Variants in P4HA3 observed in about 807,000 individuals in gnomAD.
The protein encoded by P4HA3 is prolyl 4-hydroxylase subunit alpha 3.
P4HA3 carries 60 observed loss-of-function variants against 66.7 expected under a neutral mutation model. That is an observed-to-expected ratio of 0.90 (90% CI 0.73 to 1.12). The LOEUF is 1.12. P4HA3 is among the 50% of genes most tolerant of loss of function. The pLI is 0.00. For missense variants in P4HA3, 683 were observed against 685.8 expected (o/e 1.00, Z 0.05); for synonymous variants, 263 against 274.6 (o/e 0.96, Z 0.42).
chr11:74,290,925 C>G (rs190213017), intron 4 of P4HA3, among the ~76,000 whole-genome samples: 1 of 152,116 alleles, frequency 6.6e-6, no homozygotes, highest in East Asian at 1.9e-4. Flanking sequence ...CTTGGCGATG[C>G]GGGCTCTTTT....
chr11:74,252,700 T>G (rs60041577), intron 15 of P4HA3: 5,558 of 344,200 alleles, frequency 0.016, 252 homozygotes, highest in African/African-American at 0.1. Context: ...CACACACGGT[T>G]TTGACAAACA....
chr11:74,272,217 CAT>C (rs1030008374), intron 10 of P4HA3, among the ~76,000 whole-genome samples: 6 of 64,494 alleles, frequency 9.3e-5, no homozygotes, highest in African/African-American at 4.3e-4. Context: ...CATGCACACA[CAT>C]ACACACACAC....
Position 74,269,578 on chromosome 11 carries a change from C to T in P4HA3, c.1467+74G>A, listed in dbSNP as rs1860116939. ...CCTCCCAGGAATGGGCTTGCAAGCA[C>T]AGACAGCGTGAAGGTTAGAGGGTAA... On this transcript the variant is annotated intron_variant, in intron 11 of 12. Coordinates refer to ENST00000331597, the MANE Select transcript of P4HA3 (RefSeq NM_182904.5). 2.0e-6 allele frequency: 3 copies of T among 1,464,250 alleles called. No individual in the cohort carries two copies. In the South Asian group the frequency reaches 3.9e-5, roughly 19 times the overall value. The allele number at this position is 1,464,250 out of a possible 1,614,324, so 90.7% of individuals were successfully genotyped here.
intron 1 of P4HA3, among the ~76,000 whole-genome samples, chr11:74,310,197 C>T (rs574233304): frequency 2.0e-5 from 3 of 152,216 alleles, no homozygotes; most frequent in South Asian, 2.1e-4. Context: ...GCAGAGAAGG[C>T]GCAGCACATA....
At chr11:74,253,400 C>T (rs368612532) in intron 15 of P4HA3, 2 of 1,340,706 alleles carry the variant, frequency 1.5e-6, no homozygotes, top group Non-Finnish European at 2.1e-6. Context: ...CCTTGGTGGT[C>T]ATTAGGGAGG....
At chr11:74,269,379 A>G (rs1380591462) in intron 11 of P4HA3, among the ~76,000 whole-genome samples, 1 of 152,232 alleles carries the variant, frequency 6.6e-6, no homozygotes, top group Non-Finnish European at 1.5e-5. Flanking sequence ...CAGAGCTCTT[A>G]TCTTGAGGAG....
intron 1 of P4HA3, among the ~76,000 whole-genome samples, chr11:74,307,688 T>TTAACAAATAC (rs1184629658): frequency 6.6e-6 from 1 of 152,218 alleles, no homozygotes; most frequent in Non-Finnish European, 1.5e-5. Context: ...TCTTTTTGCT[T>TTAACAAATAC]TAACAAATAC....
At position 74,311,603 on chromosome 11, in the gene P4HA3, A is replaced by G. The variant is rs777727450; in HGVS notation, c.9T>C (p.Pro3=). 2.0e-5 allele frequency: 31 copies of G among 1,521,618 alleles called. No homozygotes were observed. Among genetic ancestry groups the G allele is most frequent in the Non-Finnish European group, 2.6e-5 (30 of 1,146,434 alleles). The allele number at this position is 1,521,618 out of a possible 1,614,324, so 94.3% of individuals were successfully genotyped here. ...CCAGCAGCGCCGCCAGCCGCGCCCCAGGACCCATAGCCAGCGCTCGCGAAC... is the reference window on the plus strand; with the variant it reads ...CCAGCAGCGCCGCCAGCCGCGCCCCGGGACCCATAGCCAGCGCTCGCGAAC... The part of the protein sequence containing the change: MG[P]GARLAALLAV... The change falls in exon 1 of 13, where the codon CCT becomes CCC. Residue 3 remains proline (P), a synonymous_variant. Coordinates refer to ENST00000331597, the MANE Select transcript of P4HA3 (RefSeq NM_182904.5).
intron 10 of P4HA3, among the ~76,000 whole-genome samples, chr11:74,270,516 C>A (rs945879558): frequency 2.7e-5 from 4 of 148,150 alleles, no homozygotes; most frequent in Admixed American, 2.7e-4. Flanking sequence ...ATTGTACCAT[C>A]CAGAAAAAAG....
chr11:74,285,862 C>A lies in P4HA3; in HGVS notation c.1057G>T (p.Asp353Tyr). The A allele has an allele frequency of 6.2e-7, 1 of 1,614,052 alleles. No individual in the cohort carries two copies. Among genetic ancestry groups the A allele is most frequent in the East Asian group, 2.2e-5 (1 of 44,888 alleles). The change falls in exon 7 of 13, where the codon GAC becomes TAC. Residue 353 changes from aspartate to tyrosine, a missense_variant. Physicochemically the swap from Asp to Tyr is radical, Grantham distance 160. Transcript: ENST00000331597. ...TGAGCCTCTGAGTCACTGACGAAGT[C>A]ATGGTAGAGAGCAATGTAGGGCTCC... ...HLEPYIALYH[D>Y]FVSDSEAQKI...
At chr11:74,263,432 G>A (rs1019370078), downstream of P4HA3, among the ~76,000 whole-genome samples, 6 of 152,220 alleles carry the variant, frequency 3.9e-5, no homozygotes, top group African/African-American at 1.4e-4. Context: ...ATTGCCAATG[G>A]AAGCACAGAA....
intron 1 of P4HA3, 47 bp from the exon 2 acceptor site, chr11:74,304,459 C>T: frequency 3.1e-6 from 5 of 1,603,616 alleles, no homozygotes; most frequent in Non-Finnish European, 4.3e-6. Flanking sequence ...ACAACCACTA[C>T]ACCTAGGGAA....
chr11:74,276,709 C>G (rs1162711667), intron 9 of P4HA3, among the ~76,000 whole-genome samples: 1 of 152,168 alleles, frequency 6.6e-6, no homozygotes, highest in Admixed American at 6.5e-5. Context: ...GGACAATCCT[C>G]ACTAGGAAGT....
intron 5 of P4HA3, chr11:74,287,440 G>A (rs1305679375): frequency 3.6e-6 from 3 of 842,420 alleles, no homozygotes; most frequent in East Asian, 6.4e-5. Context: ...AACTTGCCAT[G>A]TTCTATTATC....
At chr11:74,308,125 G>C (rs1032296246) in intron 1 of P4HA3, among the ~76,000 whole-genome samples, 2 of 152,080 alleles carry the variant, frequency 1.3e-5, no homozygotes, top group African/African-American at 4.8e-5. Flanking sequence ...TATCTCAACT[G>C]AGAGCCTTGG....
intron 7 of P4HA3, among the ~76,000 whole-genome samples, chr11:74,280,595 T>A (rs932254204): frequency 5.3e-5 from 8 of 152,234 alleles, no homozygotes; most frequent in African/African-American, 1.9e-4. Context: ...GGGCAAGGAC[T>A]TGGCCTTTTT....
chr11:74,273,498 T>C, intron 10 of P4HA3, 47 bp downstream of exon 10: 1 of 1,352,678 alleles, frequency 7.4e-7, no homozygotes, highest in East Asian at 2.7e-5. Flanking sequence ...TAAAATAAAG[T>C]AGAGCTATAG....
rs536137650 is a variant in P4HA3, at chr11:74,286,773, C to T, written c.770-382G>A. On this transcript the variant is annotated intron_variant, in intron 5 of 12. Coordinates refer to ENST00000331597, the MANE Select transcript of P4HA3 (RefSeq NM_182904.5). ...ATCCATTCAGTAAATCTTCAGTGAA[C>T]ATCTACTATGTACCAGATACTGTGC... 1.1e-4 allele frequency among the ~76,000 whole-genome samples: 17 copies of T among 152,340 alleles called. No individual in the cohort carries two copies. In the South Asian group the frequency reaches 3.5e-3, roughly 32 times the overall value.
chr11:74,264,163 T>C (rs1859953551), downstream of P4HA3, among the ~76,000 whole-genome samples: 1 of 152,142 alleles, frequency 6.6e-6, no homozygotes, highest in Admixed American at 6.5e-5. Flanking sequence ...GAAAGCCATC[T>C]GGTGGAAAGA....
Sources: gnomAD v4.1 joint callset for allele counts (sites outside exome capture counted in the v4.1 genomes callset) on GRCh38, gnomAD v4.1.1 for gene constraint, MANE v1.5 for transcripts, NCBI Gene and HGNC (gene_info 2026-07-23, HGNC 2026-07-21) for gene names.